Variants in FAXDC2 observed in about 807,000 individuals in gnomAD.
The protein encoded by FAXDC2 is fatty acid hydroxylase domain-containing protein 2.
Under a neutral mutation model 40.9 loss-of-function variants are expected in FAXDC2, and 41 were observed. The ratio of observed to expected loss-of-function variants is 1.00; its 90% confidence interval spans 0.78 to 1.30. FAXDC2 has a LOEUF of 1.30. Among genes scored for constraint, FAXDC2 ranks in the 50% most tolerant of loss-of-function variants. The pLI is 0.00. For synonymous variants in FAXDC2, 157 were observed against 149.3 expected (o/e 1.05, Z -0.38); for missense variants, 390 against 408.8 (o/e 0.95, Z 0.40).
chr5:154,841,831 G>C (rs1582538837), intron 1 of FAXDC2, among the ~76,000 whole-genome samples: 1 of 151,906 alleles, frequency 6.6e-6, no homozygotes, highest in Non-Finnish European at 1.5e-5. Context: ...CGCCTCCCTG[G>C]TTCAAGCGAT....
intron 4 of FAXDC2, among the ~76,000 whole-genome samples, chr5:154,833,959 C>T (rs255530): frequency 3.3e-5 from 5 of 151,570 alleles, no homozygotes; most frequent in East Asian, 1.9e-4. Context: ...TCAGCCACCA[C>T]GCCTGGCCTC....
intron 1 of FAXDC2, among the ~76,000 whole-genome samples, chr5:154,842,512 GTTTTTTTTTTTT>G (rs772426610): frequency 3.9e-5 from 2 of 51,586 alleles, no homozygotes; most frequent in African/African-American, 1.5e-4. Flanking sequence ...CCCTTTGTGT[GTTTTTTTTTTTT>G]TTTTTTTTTT....
At chr5:154,849,072 G>T (rs1305141976) in intron 1 of FAXDC2, among the ~76,000 whole-genome samples, 1 of 152,036 alleles carries the variant, frequency 6.6e-6, no homozygotes, top group Non-Finnish European at 1.5e-5. Context: ...CTGAGGTCAG[G>T]AGTTGGAGAC....
chr5:154,840,337 C>T (rs1760448571), intron 1 of FAXDC2, among the ~76,000 whole-genome samples: 2 of 150,262 alleles, frequency 1.3e-5, no homozygotes, highest in Non-Finnish European at 2.9e-5. Flanking sequence ...TCAAGCAATC[C>T]TCTTGCCTCA....
In FAXDC2 at chr5:154,822,476, T is replaced by C; in HGVS notation, c.674A>G (p.His225Arg). Residue 225 changes from histidine (H) to arginine (R), a missense_variant, in exon 7 of 9, where the codon CAT becomes CGT. Coordinates refer to ENST00000326080, the MANE Select transcript of FAXDC2 (RefSeq NM_032385.5). Reference sequence around the variant, plus strand: ...GGAGCATAGAGCTCTACTCACTGCATGCTCTATAGGGTGGGCATAGAGAGA... The same window carrying C: ...GGAGCATAGAGCTCTACTCACTGCACGCTCTATAGGGTGGGCATAGAGAGA... ...VISLYAHPIE[H>R]AVSNMLPVIV... The C allele has an allele frequency of 6.2e-7, 1 of 1,605,674 alleles. No individual in the cohort carries two copies. Among genetic ancestry groups the C allele is most frequent in the Non-Finnish European group, 8.5e-7 (1 of 1,172,482 alleles).
chr5:154,830,999 G>A (rs1760175247), intron 4 of FAXDC2, 77 bp from the exon 5 acceptor site: 3 of 1,553,406 alleles, frequency 1.9e-6, no homozygotes, highest in Non-Finnish European at 2.6e-6. Flanking sequence ...ATACTTTTTT[G>A]TGGTGACTGA....
intron 1 of FAXDC2, among the ~76,000 whole-genome samples, chr5:154,839,253 G>C (rs986006056): frequency 6.6e-6 from 1 of 151,144 alleles, no homozygotes; most frequent in Non-Finnish European, 1.5e-5. Context: ...TTGAACCCGG[G>C]AGGCGGAGGT....
intron 1 of FAXDC2, among the ~76,000 whole-genome samples, chr5:154,841,669 G>A (rs1307679770): frequency 6.6e-6 from 1 of 152,050 alleles, no homozygotes; most frequent in African/African-American, 2.4e-5. Context: ...CTCCAAGGTG[G>A]ATAAGGGTCC....
Position 154,830,909 on chromosome 5 carries a change from C to A in FAXDC2, c.258G>T (p.Val86=). ...TGAAGCTCCAGAAGAAGAGACAAGG[C>A]ACTTGGATGGCACCTGAGATTGGGA... is the stretch of plus-strand genomic sequence containing the variant. ...WILFFIGAIQ[V]PCLFFWSFNG... The change falls in exon 5 of 9, where the codon GTG becomes GTT. Residue 86 remains valine, a synonymous_variant. Transcript: ENST00000326080. 6.2e-7 allele frequency: 1 copy of A among 1,613,980 alleles called. No individual in the cohort carries two copies. The highest frequency in any genetic ancestry group is 8.5e-7 in the Non-Finnish European group (1 of 1,179,864).
rs552219978 is a variant in FAXDC2 at position 154,823,393 on chromosome 5, G to A, written c.566C>T (p.Ser189Leu). 29 of 1,613,338 alleles carry A rather than the reference G, an allele frequency of 1.8e-5. No individual in the cohort carries two copies. The South Asian group carries it at 3.1e-4, about 17-fold the overall frequency. ...TLIEEVLFYY[S>L]HRLLHHPTFY... ...TCAGGCAGGGCCTGCTCACCGGTGT[G>A]AATAGTAGAACAAGACTTCCTCGAT... The change falls in exon 6 of 9, where the codon TCA (serine) becomes TTA (leucine). Residue 189 changes from serine (S) to leucine (L), a missense_variant. Coordinates refer to ENST00000326080, the MANE Select transcript of FAXDC2 (RefSeq NM_032385.5).
Position 154,823,606 on chromosome 5 carries a change from G to T in FAXDC2, c.367-14C>A. ...CACAGGATCCACCTGCCCAAGGGAA[G>T]GGAGGAGGGAGATGGATAAGAGTGT... On this transcript the variant is annotated splice_polypyrimidine_tract_variant and intron_variant, in intron 5 of 8. Transcript: ENST00000326080. 1 of 1,608,234 alleles carries T rather than the reference G, an allele frequency of 6.2e-7. No homozygotes were observed. Among genetic ancestry groups the T allele is most frequent in the Non-Finnish European group, 8.5e-7 (1 of 1,174,764 alleles).
At chr5:154,823,326 T>G in intron 6 of FAXDC2, 61 bp downstream of exon 6, 1 of 1,515,210 alleles carries the variant, frequency 6.6e-7, no homozygotes, top group Non-Finnish European at 9.1e-7. Context: ...AGTTTCCTTG[T>G]TGATCAGTGA....
intron 7 of FAXDC2, chr5:154,822,185 G>A (rs948131871): frequency 9.6e-6 from 3 of 311,856 alleles, no homozygotes; most frequent in South Asian, 5.0e-5. Flanking sequence ...ATGAGCCCAG[G>A]GGTTGGAGGC....
Position 154,820,181 on chromosome 5 carries a change from G to A in FAXDC2, c.*135C>T. 2 of 695,884 alleles carry A rather than the reference G, an allele frequency of 2.9e-6. No homozygotes were observed. The highest frequency in any genetic ancestry group is 3.9e-5 in the South Asian group (2 of 51,552). The allele number at this position is 695,884 out of a possible 1,614,324, so 43.1% of individuals were successfully genotyped here. A position where few individuals can be genotyped will look rare whatever the true frequency, so the allele number is the denominator to read the frequency against. ...ATCCTTGGCCCTGCTTTTCCGGGAA[G>A]CCGACCTTCCCTCTACCCTGGTGGT... On this transcript the variant is annotated 3_prime_UTR_variant, in exon 9 of 9. Coordinates refer to ENST00000326080, the MANE Select transcript of FAXDC2 (RefSeq NM_032385.5).
rs1759936426 is a variant in FAXDC2, at chr5:154,823,411, T to TA, written c.547_548insT (p.Glu183ValfsTer26). ...CCGGTGTGAATAGTAGAACAAGACT[T>TA]CCTCGATCAGCGTGAAGATGGCCAG... On this transcript the variant is annotated frameshift_variant, in exon 6 of 9. Coordinates refer to ENST00000326080, the MANE Select transcript of FAXDC2 (RefSeq NM_032385.5). LOFTEE classifies it high-confidence loss of function. The TA allele has an allele frequency of 6.2e-7, 1 of 1,613,778 alleles. No individual in the cohort carries two copies. The highest frequency in any genetic ancestry group is 1.3e-5 in the African/African-American group (1 of 75,044).
At chr5:154,837,270 C>CT (rs113214394) in intron 2 of FAXDC2, among the ~76,000 whole-genome samples, 3,537 of 151,864 alleles carry the variant, frequency 0.023, 131 homozygotes, top group African/African-American at 0.081. Flanking sequence ...GGAACTTGCT[C>CT]TTTTTTTTGT....
chr5:154,833,054 T>TTA (rs1760232629), intron 4 of FAXDC2, among the ~76,000 whole-genome samples: 1 of 152,046 alleles, frequency 6.6e-6, no homozygotes, highest in Admixed American at 6.6e-5. Context: ...TTTTTTTTTT[T>TTA]GAGACAGGGT....
rs1418828556 is a variant in FAXDC2, at chr5:154,820,077, G to T, written c.*239C>A. 1 of 425,874 alleles carries T rather than the reference G, an allele frequency of 2.3e-6. No homozygotes were observed. Among genetic ancestry groups the T allele is most frequent in the African/African-American group, 2.1e-5 (1 of 48,368 alleles). The allele number at this position is 425,874 out of a possible 1,614,324, so 26.4% of individuals were successfully genotyped here. ...CCCTCTGACCAGCCTCCAGTCTGGG[G>T]AGCTGTGTTTTCCTTTTTCTTAAGC... is the stretch of plus-strand genomic sequence containing the variant. On this transcript the variant is annotated 3_prime_UTR_variant, in exon 9 of 9. Transcript: ENST00000326080.
intron 5 of FAXDC2, among the ~76,000 whole-genome samples, chr5:154,826,496 T>TC (rs1468563286): frequency 2.2e-4 from 31 of 140,148 alleles, no homozygotes; most frequent in African/African-American, 8.3e-4. Flanking sequence ...GCCATTGTAC[T>TC]CCAGCCTGAG....
Sources: gnomAD v4.1 joint callset for allele counts (sites outside exome capture counted in the v4.1 genomes callset) on GRCh38, gnomAD v4.1.1 for gene constraint, MANE v1.5 for transcripts, NCBI Gene and HGNC (gene_info 2026-07-23, HGNC 2026-07-21) for gene names.